MRTFB: variants seen among roughly 807,000 people sequenced by gnomAD.
The protein encoded by MRTFB is myocardin related transcription factor B.
A neutral mutation model predicts 104.2 loss-of-function variants in MRTFB; 29 were observed. The observed-to-expected ratio is 0.28, with a 90% CI of 0.21 to 0.38. The LOEUF (loss-of-function observed/expected upper bound fraction) is 0.38, where lower values mean the gene tolerates loss of function less well. Ranked by LOEUF, MRTFB falls within the 10% of genes least tolerant of loss-of-function variation. The pLI is 1.00. For synonymous variants in MRTFB, 535 were observed against 519.5 expected (o/e 1.03, Z -0.41); for missense variants, 1,270 against 1,341.6 (o/e 0.95, Z 0.83).
intron 15 of MRTFB, among the ~76,000 whole-genome samples, chr16:14,254,258 A>G (rs2043382238): frequency 1.3e-5 from 2 of 152,224 alleles, no homozygotes; most frequent in Non-Finnish European, 2.9e-5. Context: ...GTAAGGCCCT[A>G]CCGGTTCAAT....
In MRTFB at chr16:14,140,636, G is replaced by A; in HGVS notation, c.30G>A (p.Glu10=). 1 of 1,614,196 alleles carries A rather than the reference G, an allele frequency of 6.2e-7. No individual in the cohort carries two copies. The highest frequency in any genetic ancestry group is 8.5e-7 in the Non-Finnish European group (1 of 1,180,038). MDHTGAIDT[E]DEVGPLAHLA... is the part of the protein sequence containing the mutation. ...ATCACACAGGGGCGATAGACACCGAGGATGAAGTGGGACCTTTAGCCCATC... is the reference window on the plus strand; with the variant it reads ...ATCACACAGGGGCGATAGACACCGAAGATGAAGTGGGACCTTTAGCCCATC... The change falls in exon 3 of 17, where the codon GAG becomes GAA. Residue 10 remains glutamate, a synonymous_variant. Coordinates refer to ENST00000571589, the MANE Select transcript of MRTFB (RefSeq NM_001308142.2).
At chr16:14,003,372 TC>T in the MRTFB span, among the ~76,000 whole-genome samples, 1 of 152,140 alleles carries the variant, frequency 6.6e-6, no homozygotes, top group Non-Finnish European at 1.5e-5. Flanking sequence ...CCCTTCCACT[TC>T]CCTCTGCTCC....
chr16:14,221,321 T>G (rs1211599559), intron 8 of MRTFB, among the ~76,000 whole-genome samples: 1 of 152,266 alleles, frequency 6.6e-6, no homozygotes, highest in Non-Finnish European at 1.5e-5. Context: ...TCTACCTAAA[T>G]ATACTTACTT....
chr16:14,245,496 T>C, intron 10 of MRTFB, 32 bp from the exon 11 acceptor site: 6 of 1,577,444 alleles, frequency 3.8e-6, no homozygotes, highest in Non-Finnish European at 5.2e-6. Context: ...AATTATTTTA[T>C]TATAAACTCT....
At chr16:14,252,770 T>TC (rs896115155) in intron 15 of MRTFB, among the ~76,000 whole-genome samples, 1 of 152,234 alleles carries the variant, frequency 6.6e-6, no homozygotes, top group African/African-American at 2.4e-5. Context: ...GGTAGGGGCA[T>TC]CAGTCATGTT....
At chr16:14,193,335 G>T (rs911738864) in intron 3 of MRTFB, among the ~76,000 whole-genome samples, 2 of 150,890 alleles carry the variant, frequency 1.3e-5, no homozygotes, top group African/African-American at 2.4e-5. Flanking sequence ...TCAAAAATCT[G>T]TGGGGTAAAA....
intron 8 of MRTFB, among the ~76,000 whole-genome samples, chr16:14,227,020 A>G (rs1019514083): frequency 6.6e-6 from 1 of 152,058 alleles, no homozygotes; most frequent in African/African-American, 2.4e-5. Context: ...CAGTGCATCA[A>G]AGGACATCAA....
Position 14,248,951 on chromosome 16 carries a change from C to T in MRTFB, c.2273C>T (p.Thr758Ile). ...LQTSPQAGMQ[T>I]QPQIATAAQI... is the part of the protein sequence containing the mutation. Reference sequence around the variant, plus strand: ...ACTTCACCACAAGCAGGAATGCAGACTCAGCCTCAGATAGCAACTGCTGCA... The same window carrying T: ...ACTTCACCACAAGCAGGAATGCAGATTCAGCCTCAGATAGCAACTGCTGCA... Residue 758 changes from threonine to isoleucine, a missense_variant, in exon 13 of 17, where the codon ACT (threonine) becomes ATT (isoleucine). Coordinates refer to ENST00000571589, the MANE Select transcript of MRTFB (RefSeq NM_001308142.2). 2 of 1,614,120 alleles carry T rather than the reference C, an allele frequency of 1.2e-6. No individual in the cohort carries two copies. The highest frequency in any genetic ancestry group is 2.2e-5 in the South Asian group (2 of 91,064).
At chr16:14,069,338 G>A (rs573993233), upstream of MRTFB, among the ~76,000 whole-genome samples, 17 of 151,140 alleles carry the variant, frequency 1.1e-4, no homozygotes, top group Admixed American at 3.3e-4. Context: ...CTGTAGCCTC[G>A]AACTGAGAGT....
intron 2 of MRTFB, among the ~76,000 whole-genome samples, chr16:14,121,430 G>A (rs958591576): frequency 3.9e-5 from 6 of 152,082 alleles, no homozygotes; most frequent in African/African-American, 9.7e-5. Context: ...GAACAAGAGC[G>A]ATGTCACGAT....
At chr16:13,998,553 G>A in the MRTFB span, among the ~76,000 whole-genome samples, 1 of 152,004 alleles carries the variant, frequency 6.6e-6, no homozygotes, top group East Asian at 1.9e-4. Flanking sequence ...GGCCGAGGCA[G>A]AAGGATCACT....
chr16:14,036,171 A>T, the MRTFB span, among the ~76,000 whole-genome samples: 1 of 81,264 alleles, frequency 1.2e-5, no homozygotes. Flanking sequence ...TAAAATATAT[A>T]TTATATATTA....
At chr16:14,127,658 A>T (rs1037281701) in intron 2 of MRTFB, among the ~76,000 whole-genome samples, 77 of 150,048 alleles carry the variant, frequency 5.1e-4, no homozygotes, top group East Asian at 2.0e-3. Flanking sequence ...AAAAAAAAAA[A>T]AATAATGACG....
At chr16:14,233,705 G>A (rs1434321056) in intron 8 of MRTFB, among the ~76,000 whole-genome samples, 2 of 146,474 alleles carry the variant, frequency 1.4e-5, no homozygotes, top group Non-Finnish European at 3.0e-5. Context: ...CTGGAGAATT[G>A]CTTGAACCCA....
the MRTFB span, among the ~76,000 whole-genome samples, chr16:13,996,832 T>C: frequency 6.6e-6 from 1 of 152,190 alleles, no homozygotes; most frequent in Non-Finnish European, 1.5e-5. Flanking sequence ...CCGACGGCTC[T>C]CTGTAGAAGG....
At chr16:14,072,613 A>G (rs2033779947) in intron 1 of MRTFB, among the ~76,000 whole-genome samples, 1 of 152,158 alleles carries the variant, frequency 6.6e-6, no homozygotes. Flanking sequence ...TGAGCCCAGG[A>G]GTTAAAGGCT....
At chr16:14,106,464 G>A (rs1250233632) in intron 2 of MRTFB, among the ~76,000 whole-genome samples, 1 of 152,096 alleles carries the variant, frequency 6.6e-6, no homozygotes, top group African/African-American at 2.4e-5. Context: ...TTAAATTTTT[G>A]AATTCATGGG....
intron 15 of MRTFB, among the ~76,000 whole-genome samples, chr16:14,256,194 C>CAAA (rs750556838): frequency 3.7e-4 from 29 of 77,658 alleles, no homozygotes; most frequent in Admixed American, 1.5e-3. Context: ...AACAGGATAA[C>CAAA]AAAAAAAAAA....
chr16:14,060,953 T>C, the MRTFB span, among the ~76,000 whole-genome samples: 6 of 152,120 alleles, frequency 3.9e-5, no homozygotes, highest in South Asian at 4.1e-4. Context: ...GAGACCATCC[T>C]GGCTAACACA....
Sources: gnomAD v4.1 joint callset for allele counts (sites outside exome capture counted in the v4.1 genomes callset) on GRCh38, gnomAD v4.1.1 for gene constraint, MANE v1.5 for transcripts, NCBI Gene and HGNC (gene_info 2026-07-23, HGNC 2026-07-21) for gene names.